The following MAEA variants were observed in gnomAD, a reference collection of about 807,000 sequenced individuals.
The protein encoded by MAEA is E3 ubiquitin-protein transferase MAEA.
Under a neutral mutation model 46.2 loss-of-function variants are expected in MAEA, and 22 were observed. That is an observed-to-expected ratio of 0.48 (90% CI 0.34 to 0.68). MAEA has a LOEUF of 0.68. Among genes scored for constraint, MAEA ranks in the 30% least tolerant of loss-of-function variants. The pLI is 0.01. For synonymous variants in MAEA, 246 were observed against 222.6 expected, an observed-to-expected ratio of 1.11 and a Z score of -0.94; for missense variants, 393 against 558.1, an observed-to-expected ratio of 0.70 and a Z score of 2.98.
At chr4:1,322,563 C>G in intron 4 of MAEA, 60 bp downstream of exon 4, 1 of 1,594,262 alleles carries the variant, frequency 6.3e-7, no homozygotes, top group Non-Finnish European at 8.6e-7. Context: ...GCCACCTGCC[C>G]TGGAGCCAGC....
At chr4:1,297,852 T>C (rs2293633) in intron 1 of MAEA, 200,691 of 384,522 alleles carry the variant, frequency 0.52, 53,248 homozygotes, top group Admixed American at 0.64. Flanking sequence ...TGGCCTGTGC[T>C]CTCATCTGGC....
chr4:1,326,569 G>A (rs79987820), intron 4 of MAEA, among the ~76,000 whole-genome samples: 2,951 of 152,284 alleles, frequency 0.019, 38 homozygotes, highest in Non-Finnish European at 0.029. Flanking sequence ...TTAGGTGCAC[G>A]TGAGAGGCTC....
chr4:1,303,480 C>T (rs921055670), intron 1 of MAEA, among the ~76,000 whole-genome samples: 2 of 151,332 alleles, frequency 1.3e-5, no homozygotes, highest in South Asian at 4.2e-4. Flanking sequence ...AATAGGTATA[C>T]GAATACCACG....
chr4:1,322,334 GC>G (rs1373905456), intron 3 of MAEA, 46 bp from the exon 4 acceptor site: 2 of 1,603,242 alleles, frequency 1.2e-6, no homozygotes, highest in African/African-American at 2.7e-5. Flanking sequence ...TGGCATGGGG[GC>G]CTTGAGCCAG....
chr4:1,291,253 C>T (rs1203942478), intron 1 of MAEA, among the ~76,000 whole-genome samples: 1 of 152,154 alleles, frequency 6.6e-6, no homozygotes, highest in Non-Finnish European at 1.5e-5. Context: ...GCCTTTTGAC[C>T]TCCCAAAGCG....
At chr4:1,329,447 G>A in intron 5 of MAEA, 2 of 985,450 alleles carry the variant, frequency 2.0e-6, no homozygotes, top group South Asian at 9.4e-5. Flanking sequence ...TGTTGCAGGG[G>A]AGCAGGCAGG....
chr4:1,301,788 AG>A (rs1389566045), intron 1 of MAEA, among the ~76,000 whole-genome samples: 1 of 152,274 alleles, frequency 6.6e-6, no homozygotes, highest in Non-Finnish European at 1.5e-5. Context: ...AAAAAGTGTT[AG>A]GTTGAATCAT....
intron 3 of MAEA, 134 bp downstream of exon 3, chr4:1,315,734 G>T: frequency 1.6e-6 from 1 of 613,984 alleles, no homozygotes; most frequent in Non-Finnish European, 2.7e-6. Context: ...CCGTATGCTT[G>T]TGTTCCCCTC....
In MAEA at chr4:1,320,641, TAATC is replaced by T. The variant is rs376783636; in HGVS notation, c.457-1737_457-1734del. Among the ~76,000 whole-genome samples, 724 of 125,642 alleles carry T rather than the reference TAATC, an allele frequency of 5.8e-3. 10 individuals carry two copies. The highest frequency in any genetic ancestry group is 0.03 in the African/African-American group (683 of 22,508). The allele number at this position is 125,642 out of a possible 152,430, so 82.4% of individuals were successfully genotyped here. A position where few individuals can be genotyped will look rare whatever the true frequency, so the allele number is the denominator to read the frequency against. On this transcript the variant is annotated intron_variant, in intron 3 of 8. Transcript: ENST00000303400. Reference sequence around the variant, plus strand: ...CTATGGAGGGGCATCAGAAAAGAAATAATCAAAGCAAACGTGCAAGAAGACACTA... The same window carrying T: ...CTATGGAGGGGCATCAGAAAAGAAATAAAGCAAACGTGCAAGAAGACACTA...
chr4:1,338,943 G>T (rs1241929971), intron 8 of MAEA, 131 bp from the exon 9 acceptor site: 7 of 771,500 alleles, frequency 9.1e-6, no homozygotes, highest in African/African-American at 5.2e-5. Flanking sequence ...TTTGGCAGGT[G>T]TGCCTTCGGG....
At chr4:1,322,254 TGGACTGG>T in intron 3 of MAEA, 120 bp from the exon 4 acceptor site, 1 of 1,298,802 alleles carries the variant, frequency 7.7e-7, no homozygotes, top group African/African-American at 1.5e-5. Context: ...ACCCACAGTG[TGGACTGG>T]AGATGCATCT....
chr4:1,316,932 A>ACC (rs1560356666), intron 3 of MAEA, among the ~76,000 whole-genome samples: 1 of 97,534 alleles, frequency 1.0e-5, no homozygotes, highest in African/African-American at 4.6e-5. Context: ...CCCCAGGCCC[A>ACC]CCCGGCCCCA....
chr4:1,309,683 T>C, intron 1 of MAEA: 1 of 1,528,560 alleles, frequency 6.5e-7, no homozygotes, highest in Non-Finnish European at 8.7e-7. Context: ...GGAGGTGGGG[T>C]CTTCCAGTTG....
intron 2 of MAEA, 100 bp from the exon 3 acceptor site, chr4:1,315,297 T>C: frequency 1.8e-6 from 2 of 1,134,464 alleles, no homozygotes; most frequent in South Asian, 2.8e-5. Flanking sequence ...TCCCTGCTTT[T>C]CTCCTTGTGA....
At chr4:1,298,011 C>T (rs761298653) in intron 1 of MAEA, 4 of 456,284 alleles carry the variant, frequency 8.8e-6, no homozygotes, top group East Asian at 7.0e-5. Flanking sequence ...CCACAGAAGC[C>T]GCACCTATCT....
chr4:1,304,884 CTA>C (rs1560337008), intron 1 of MAEA, among the ~76,000 whole-genome samples: 1 of 152,180 alleles, frequency 6.6e-6, no homozygotes, highest in East Asian at 1.9e-4. Context: ...ACGCTATACT[CTA>C]TTGAATTTGA....
chr4:1,298,283 C>T (rs542223942), intron 1 of MAEA, among the ~76,000 whole-genome samples: 129 of 152,200 alleles, frequency 8.5e-4, no homozygotes, highest in African/African-American at 3.0e-3. Context: ...AGCCTTTGTT[C>T]ATGCACCAGA....
intron 5 of MAEA, chr4:1,328,837 C>T (rs1004588579): frequency 5.9e-5 from 61 of 1,040,882 alleles, no homozygotes; most frequent in South Asian, 4.0e-4. Flanking sequence ...CTCGTCTTCA[C>T]GCACGAGGGA....
At chr4:1,293,052 C>T (rs1373522813) in intron 1 of MAEA, among the ~76,000 whole-genome samples, 3 of 151,972 alleles carry the variant, frequency 2.0e-5, no homozygotes, top group Admixed American at 1.3e-4. Flanking sequence ...CGCCACCATG[C>T]CCAGCTAATT....
Sources: allele counts gnomAD v4.1 joint callset (sites outside exome capture counted in the v4.1 genomes callset), GRCh38; gene constraint gnomAD v4.1.1; transcripts MANE v1.5; gene names NCBI Gene and HGNC (gene_info 2026-07-23, HGNC 2026-07-21).